Variants in ASIC2 observed in about 807,000 individuals in gnomAD.
The protein encoded by ASIC2 is acid-sensing ion channel 2.
A neutral mutation model predicts 57.3 loss-of-function variants in ASIC2; 25 were observed. The ratio of observed to expected loss-of-function variants is 0.44; its 90% CI spans 0.32 to 0.61. The LOEUF is 0.61. Ranked by LOEUF, ASIC2 falls within the 20% of genes least tolerant of loss-of-function variation. The pLI is 0.06. For missense variants in ASIC2, 641 were observed against 738.1 expected (o/e 0.87, Z 1.52); for synonymous variants, 319 against 307.5 (o/e 1.04, Z -0.39).
intron 1 of ASIC2, among the ~76,000 whole-genome samples, chr17:33,770,435 G>T (rs761209870): frequency 6.6e-6 from 1 of 152,154 alleles, no homozygotes; most frequent in Non-Finnish European, 1.5e-5. Context: ...CTTAATGTAG[G>T]CTTGTTGTTT....
chr17:33,163,254 G>C (rs956358212), intron 1 of ASIC2, among the ~76,000 whole-genome samples: 1 of 152,190 alleles, frequency 6.6e-6, no homozygotes, highest in Non-Finnish European at 1.5e-5. Context: ...ACAGCAGCAT[G>C]ACCTTCTAGG....
intron 1 of ASIC2, among the ~76,000 whole-genome samples, chr17:34,014,335 C>T (rs576610379): frequency 6.6e-6 from 1 of 152,298 alleles, no homozygotes; most frequent in African/African-American, 2.4e-5. Flanking sequence ...GGTGGTTTGG[C>T]CGGAGCCTGT....
intron 1 of ASIC2, among the ~76,000 whole-genome samples, chr17:33,456,221 G>C (rs1912447833): frequency 6.6e-6 from 1 of 152,136 alleles, no homozygotes; most frequent in South Asian, 2.1e-4. Context: ...CCCAGGCTTT[G>C]CTGAGTTTGG....
At chr17:33,540,302 G>C (rs149368583) in intron 1 of ASIC2, among the ~76,000 whole-genome samples, 1 of 152,072 alleles carries the variant, frequency 6.6e-6, no homozygotes, top group South Asian at 2.1e-4. Flanking sequence ...TATTGAATTA[G>C]GATTCACTCT....
At chr17:33,927,192 C>T (rs903741046) in intron 1 of ASIC2, among the ~76,000 whole-genome samples, 5 of 152,110 alleles carry the variant, frequency 3.3e-5, no homozygotes, top group Non-Finnish European at 1.5e-5. Flanking sequence ...GCCTCCCAAA[C>T]TGCTGTGATT....
chr17:33,295,445 C>T (rs1037526806), upstream of ASIC2, among the ~76,000 whole-genome samples: 9 of 152,298 alleles, frequency 5.9e-5, no homozygotes, highest in Non-Finnish European at 8.8e-5. Context: ...TTTGACCAGC[C>T]CAGTGAAATT....
chr17:33,015,037 A>G (rs2141889471), intron 9 of ASIC2, among the ~76,000 whole-genome samples: 1 of 152,296 alleles, frequency 6.6e-6, no homozygotes, highest in Non-Finnish European at 1.5e-5. Context: ...CCCCTTCCAC[A>G]CTGCCCTCCC....
intron 1 of ASIC2, among the ~76,000 whole-genome samples, chr17:34,075,010 C>A (rs1385356069): frequency 6.6e-6 from 1 of 152,058 alleles, no homozygotes; most frequent in Admixed American, 6.6e-5. Flanking sequence ...GTCTTGAACT[C>A]CTGACCTCAG....
At chr17:33,360,020 A>G (rs919363072) in intron 1 of ASIC2, among the ~76,000 whole-genome samples, 5 of 152,156 alleles carry the variant, frequency 3.3e-5, no homozygotes, top group African/African-American at 1.2e-4. Context: ...ACTTACTCCT[A>G]CCCAATACAC....
In ASIC2 at chr17:33,293,005, A is replaced by G. The variant is rs1905567288; in HGVS notation, c.-890T>C. The G allele has an allele frequency of 1.0e-6, 1 of 985,390 alleles. No individual in the cohort carries two copies. The highest frequency in any genetic ancestry group is 1.2e-6 in the Non-Finnish European group (1 of 830,028). 61.0% of individuals were successfully genotyped at this position (985,390 alleles called of 1,614,324 possible). A position where few individuals can be genotyped will look rare whatever the true frequency, so the allele number is the denominator to read the frequency against. On this transcript the variant is annotated 5_prime_UTR_variant, in exon 1 of 10. Transcript: ENST00000225823. Reference sequence around the variant, plus strand: ...TCCCAGGTGCCTCGCGTCTCCAGAAAAGCCCAGCCTTGCTGTCTCTCGCGT... The same window carrying G: ...TCCCAGGTGCCTCGCGTCTCCAGAAGAGCCCAGCCTTGCTGTCTCTCGCGT...
chr17:33,081,556 C>T (rs2092113160), intron 3 of ASIC2, among the ~76,000 whole-genome samples: 1 of 151,284 alleles, frequency 6.6e-6, no homozygotes. Flanking sequence ...ATTCTCTCTT[C>T]TGCCTTGAAA....
intron 1 of ASIC2, among the ~76,000 whole-genome samples, chr17:33,326,106 AT>A (rs1010464790): frequency 5.9e-5 from 9 of 152,306 alleles, no homozygotes; most frequent in African/African-American, 1.9e-4. Context: ...GCAGCAAGAC[AT>A]TTTTTGGTCA....
intron 1 of ASIC2, among the ~76,000 whole-genome samples, chr17:33,629,146 G>T (rs1455171607): frequency 2.6e-5 from 4 of 152,084 alleles, no homozygotes; most frequent in African/African-American, 9.7e-5. Context: ...AAGCCCTCCT[G>T]GTCCCCCTGG....
chr17:33,346,409 G>A (rs1907951695), intron 1 of ASIC2, among the ~76,000 whole-genome samples: 1 of 152,110 alleles, frequency 6.6e-6, no homozygotes, highest in South Asian at 2.1e-4. Flanking sequence ...AATTTAGCTT[G>A]TGTCAGCGTA....
At chr17:33,580,566 G>A (rs1218937901) in intron 1 of ASIC2, among the ~76,000 whole-genome samples, 2 of 152,146 alleles carry the variant, frequency 1.3e-5, no homozygotes, top group African/African-American at 4.8e-5. Flanking sequence ...GAGTGACGCT[G>A]AGGGTCCTAA....
At chr17:34,138,551 T>C (rs1912186456) in intron 1 of ASIC2, among the ~76,000 whole-genome samples, 2 of 152,288 alleles carry the variant, frequency 1.3e-5, no homozygotes, top group Middle Eastern at 6.8e-3. Context: ...ACTGGACACT[T>C]TCTGAGCTGC....
intron 3 of ASIC2, among the ~76,000 whole-genome samples, chr17:33,044,412 A>G (rs1477777395): frequency 6.6e-6 from 1 of 151,990 alleles, no homozygotes; most frequent in African/African-American, 2.4e-5. Context: ...TTGCTCTGTC[A>G]CCCAGGCTGG....
At chr17:33,463,969 T>G (rs1306029864) in intron 1 of ASIC2, among the ~76,000 whole-genome samples, 1 of 152,178 alleles carries the variant, frequency 6.6e-6, no homozygotes, top group Non-Finnish European at 1.5e-5. Flanking sequence ...GCTGACACAT[T>G]GGTTGCATAC....
intron 1 of ASIC2, among the ~76,000 whole-genome samples, chr17:33,187,937 A>G (rs1906267069): frequency 6.6e-6 from 1 of 151,652 alleles, no homozygotes; most frequent in Admixed American, 6.6e-5. Flanking sequence ...GAAAAAAGAA[A>G]AAAAAGAAAA....
Sources: allele counts gnomAD v4.1 joint callset (sites outside exome capture counted in the v4.1 genomes callset), GRCh38; gene constraint gnomAD v4.1.1; transcripts MANE v1.5; gene names NCBI Gene and HGNC (gene_info 2026-07-23, HGNC 2026-07-21).